The following PRKAR1A variants were observed in gnomAD, a reference collection of about 807,000 sequenced individuals.
PRKAR1A encodes the protein cAMP-dependent protein kinase type I-alpha regulatory subunit.
PRKAR1A carries 3 observed loss-of-function variants against 52.0 expected under a neutral mutation model. The observed-to-expected ratio is 0.06, with a 90% CI of 0.03 to 0.15. PRKAR1A has a LOEUF of 0.15. Ranked by LOEUF, PRKAR1A falls within the 10% of genes least tolerant of loss-of-function variation. The probability of loss-of-function intolerance (pLI) is 1.00; values close to 1 mark genes in which losing one functional copy is unlikely to be tolerated. For missense variants in PRKAR1A, 240 were observed against 477.4 expected (o/e 0.50, Z 4.63); for synonymous variants, 188 against 168.4 (o/e 1.12, Z -0.90).
chr17:68,458,568 G>T, the PRKAR1A span, among the ~76,000 whole-genome samples: 2 of 152,208 alleles, frequency 1.3e-5, no homozygotes, highest in African/African-American at 2.4e-5. Flanking sequence ...AAATGAAAGT[G>T]TGTGTAGGGC....
chr17:68,509,363 A>G (rs2085234757), upstream of PRKAR1A, among the ~76,000 whole-genome samples: 1 of 152,160 alleles, frequency 6.6e-6, no homozygotes, highest in Non-Finnish European at 1.5e-5. Flanking sequence ...CGGCGGTCTC[A>G]CTGTGTTGCC....
At chr17:68,463,200 T>TG in the PRKAR1A span, among the ~76,000 whole-genome samples, 1 of 152,058 alleles carries the variant, frequency 6.6e-6, no homozygotes, top group Non-Finnish European at 1.5e-5. Flanking sequence ...CTAGGATGGT[T>TG]GGGGGGACAC....
At chr17:68,537,984 TA>T (rs1375124151), downstream of PRKAR1A, among the ~76,000 whole-genome samples, 1 of 152,174 alleles carries the variant, frequency 6.6e-6, no homozygotes, top group African/African-American at 2.4e-5. The surrounding 1 kb of genome is among the most constrained non-coding windows in gnomAD (Gnocchi z 4.2). Flanking sequence ...TGTGCTCTAA[TA>T]ATGGTGATGC....
chr17:68,450,651 A>G, the PRKAR1A span: 1 of 1,510,130 alleles, frequency 6.6e-7, no homozygotes, highest in Non-Finnish European at 8.9e-7. Context: ...ACAGACATTG[A>G]TCTTGAAAGA....
the PRKAR1A span, among the ~76,000 whole-genome samples, chr17:68,497,796 C>T: frequency 1.3e-5 from 2 of 152,144 alleles, no homozygotes; most frequent in East Asian, 3.8e-4. Flanking sequence ...TGAGCTGTTG[C>T]TCTAACCATT....
At chr17:68,421,535 G>A in the PRKAR1A span, 4 of 554,856 alleles carry the variant, frequency 7.2e-6, no homozygotes, top group South Asian at 6.7e-5. Context: ...TTACACTATA[G>A]TTTGAACGTA....
the PRKAR1A span, among the ~76,000 whole-genome samples, chr17:68,477,067 G>A: frequency 9.2e-5 from 14 of 152,032 alleles, no homozygotes; most frequent in African/African-American, 3.1e-4. Context: ...TTTTAGACAA[G>A]GACTTTCATT....
downstream of PRKAR1A, chr17:68,537,855 TG>T: frequency 8.3e-7 from 1 of 1,199,292 alleles, no homozygotes; most frequent in Non-Finnish European, 1.2e-6. The surrounding 1 kb of genome is among the most constrained non-coding windows in gnomAD (Gnocchi z 4.2). Flanking sequence ...CCTCTCCTTG[TG>T]TCTTCTCAGG....
the PRKAR1A span, among the ~76,000 whole-genome samples, chr17:68,462,792 G>T: frequency 6.6e-6 from 1 of 152,190 alleles, no homozygotes; most frequent in Non-Finnish European, 1.5e-5. Flanking sequence ...AGGGACAGAG[G>T]AGCAAGGGGT....
At chr17:68,505,263 C>T in the PRKAR1A span, among the ~76,000 whole-genome samples, 1 of 152,032 alleles carries the variant, frequency 6.6e-6, no homozygotes, top group African/African-American at 2.4e-5. Context: ...TGCACTCCAG[C>T]TTAGGTGGCA....
intron 11 of PRKAR1A, among the ~76,000 whole-genome samples, chr17:68,546,066 G>A (rs912503051): frequency 6.6e-6 from 1 of 151,328 alleles, no homozygotes; most frequent in Non-Finnish European, 1.5e-5. Flanking sequence ...CTACTTGGGA[G>A]GCTGAGGCAG....
the PRKAR1A span, chr17:68,426,252 G>GGGGGGGGGGGGGGGT: frequency 1.2e-6 from 1 of 828,188 alleles, no homozygotes; most frequent in Non-Finnish European, 1.9e-6. Flanking sequence ...TGGGGAGCGG[G>GGGGGGGGGGGGGGGT]GGCTCAAATA....
rs2143392423 is a variant in PRKAR1A, at chr17:68,530,443, T to A, written c.1140T>A (p.Ser380=). Residue 380 remains serine (S), a synonymous_variant, in exon 11 of 11, where the codon TCT becomes TCA. Transcript: ENST00000589228. The part of the protein sequence containing the change: ...IQQYNSFVSL[S]V ...AGTACAACAGTTTTGTGTCACTGTC[T>A]GTCTGAAATCTGCCTCCTGTGCCTC... 1.9e-6 allele frequency: 3 copies of A among 1,614,100 alleles called. No homozygotes were observed. Among genetic ancestry groups the A allele is most frequent in the Non-Finnish European group, 2.5e-6 (3 of 1,179,940 alleles).
the PRKAR1A span, chr17:68,441,168 C>T: frequency 2.6e-5 from 4 of 152,182 alleles, no homozygotes; most frequent in Admixed American, 1.3e-4. Context: ...CTTGACTGCT[C>T]AGAGCAGACT....
rs181131675 is a variant in PRKAR1A, at chr17:68,550,280, A to G, written c.974-804A>G. On this transcript the variant is annotated intron_variant, in intron 11 of 11. Coordinates refer to the PRKAR1A transcript ENST00000585981. ...AAAATCAATATAAATATAAGCAGAC[A>G]TTCAATTGTCTCATGTACATTTCTG... Among the ~76,000 whole-genome samples the G allele has an allele frequency of 5.5e-3, 831 of 151,812 alleles. 7 individuals carry two copies. Among genetic ancestry groups the G allele is most frequent in the Middle Eastern group, 0.034 (10 of 292 alleles).
At chr17:68,488,085 CA>C in the PRKAR1A span, among the ~76,000 whole-genome samples, 19 of 151,856 alleles carry the variant, frequency 1.3e-4, no homozygotes, top group Middle Eastern at 3.2e-3. Context: ...GGGAGAGTTG[CA>C]ATTTGAAGAT....
At chr17:68,534,170 G>T (rs1384242096), downstream of PRKAR1A, among the ~76,000 whole-genome samples, 5 of 152,160 alleles carry the variant, frequency 3.3e-5, no homozygotes, top group African/African-American at 9.7e-5. Flanking sequence ...CTTGACATAA[G>T]TTCAGAGCTG....
intron 2 of PRKAR1A, among the ~76,000 whole-genome samples, chr17:68,519,436 G>A (rs1439265439): frequency 6.6e-6 from 1 of 152,190 alleles, no homozygotes; most frequent in Non-Finnish European, 1.5e-5. Context: ...ACTGTCAGAT[G>A]TCATGAGAGC....
At chr17:68,416,323 T>C in the PRKAR1A span, among the ~76,000 whole-genome samples, 1 of 152,198 alleles carries the variant, frequency 6.6e-6, no homozygotes, top group African/African-American at 2.4e-5. Context: ...ATTGTTTTGA[T>C]GGAGGAGGCT....
Sources: allele counts gnomAD v4.1 joint callset (sites outside exome capture counted in the v4.1 genomes callset), GRCh38; gene constraint gnomAD v4.1.1; non-coding constraint Gnocchi (gnomAD v3.1); transcripts MANE v1.5; gene names NCBI Gene and HGNC (gene_info 2026-07-23, HGNC 2026-07-21).